PRIM2: variants seen among roughly 807,000 people sequenced by gnomAD.
PRIM2 encodes the protein DNA primase large subunit.
A neutral mutation model predicts 67.3 loss-of-function variants in PRIM2; 39 were observed. The observed-to-expected ratio is 0.58, with a 90% CI of 0.45 to 0.76. The LOEUF (loss-of-function observed/expected upper bound fraction) is 0.76. Ranked by LOEUF, PRIM2 falls within the 30% of genes least tolerant of loss-of-function variation. The probability of loss-of-function intolerance (pLI) is 0.00; values close to 1 mark genes in which losing one functional copy is unlikely to be tolerated. For missense variants in PRIM2, 398 were observed against 598.7 expected (o/e 0.66, Z 3.50); for synonymous variants, 143 against 198.7 (o/e 0.72, Z 2.36).
At chr6:57,487,899 C>A (rs1773790730) in intron 7 of PRIM2, among the ~76,000 whole-genome samples, 2 of 152,110 alleles carry the variant, frequency 1.3e-5, no homozygotes, top group African/African-American at 4.8e-5. Flanking sequence ...TTATATAATG[C>A]ATATTTGTTG....
At chr6:57,392,495 A>C (rs1247882101) in intron 7 of PRIM2, among the ~76,000 whole-genome samples, 1 of 152,126 alleles carries the variant, frequency 6.6e-6, no homozygotes, top group Non-Finnish European at 1.5e-5. Flanking sequence ...AAATTTATCA[A>C]ATATCAAAAT....
intron 13 of PRIM2, among the ~76,000 whole-genome samples, chr6:57,638,155 T>G (rs1291335466): frequency 6.6e-6 from 1 of 152,154 alleles, no homozygotes; most frequent in Non-Finnish European, 1.5e-5. Context: ...AAACTAACCT[T>G]CATAAGCGAA....
chr6:57,593,225 C>A (rs1271728188), intron 10 of PRIM2, among the ~76,000 whole-genome samples: 1 of 152,064 alleles, frequency 6.6e-6, no homozygotes, highest in African/African-American at 2.4e-5. Context: ...GACTTTCTGG[C>A]CTTTCCCCAC....
chr6:57,564,055 TC>T (rs1775690832), intron 10 of PRIM2, among the ~76,000 whole-genome samples: 1 of 152,216 alleles, frequency 6.6e-6, no homozygotes, highest in Non-Finnish European at 1.5e-5. Flanking sequence ...AATGAGAATG[TC>T]TTTGGGACAT....
At chr6:57,230,257 G>T in the PRIM2 span, among the ~76,000 whole-genome samples, 1 of 152,054 alleles carries the variant, frequency 6.6e-6, no homozygotes, top group South Asian at 2.1e-4. Flanking sequence ...TCACTGAATT[G>T]GTGCGTATTC....
intron 7 of PRIM2, among the ~76,000 whole-genome samples, chr6:57,503,468 G>A (rs1288456773): frequency 1.3e-5 from 2 of 152,186 alleles, no homozygotes; most frequent in Non-Finnish European, 2.9e-5. Context: ...AGGAACTATG[G>A]CTGGGTGCAG....
chr6:57,457,008 T>A (rs1183126637), intron 7 of PRIM2, among the ~76,000 whole-genome samples: 2 of 152,192 alleles, frequency 1.3e-5, no homozygotes, highest in African/African-American at 4.8e-5. Flanking sequence ...CTTCTAACAG[T>A]CAGGACCCTC....
the PRIM2 span, among the ~76,000 whole-genome samples, chr6:57,252,351 C>T: frequency 6.6e-6 from 1 of 152,200 alleles, no homozygotes; most frequent in Admixed American, 6.5e-5. Flanking sequence ...CCACAACAAG[C>T]CTATGAGATA....
rs1383543245 is a variant in PRIM2 at position 57,567,607 on chromosome 6, A to G, written c.1020+29982A>G. On this transcript the variant is annotated intron_variant, in intron 10 of 13. Transcript: ENST00000615550. ...CCCAAGTGCAGTAGGAAAAGCTATC[A>G]TAAGTATTGCCTTATATTCACTAGG... Among the ~76,000 whole-genome samples the G allele has an allele frequency of 8.2e-4, 125 of 152,316 alleles. 2 individuals are homozygous for G. In the East Asian group the frequency reaches 0.019, roughly 23 times the overall value.
At chr6:57,634,559 C>T (rs1777089603) in intron 13 of PRIM2, among the ~76,000 whole-genome samples, 3 of 152,376 alleles carry the variant, frequency 2.0e-5, no homozygotes, top group African/African-American at 7.2e-5. Context: ...TTTTAATTTC[C>T]TATTGTTCTT....
chr6:57,449,942 C>A (rs1301804345), intron 7 of PRIM2, among the ~76,000 whole-genome samples: 49 of 152,176 alleles, frequency 3.2e-4, no homozygotes, highest in African/African-American at 1.0e-3. Flanking sequence ...CACTCTCAAC[C>A]TAGACTGACT....
intron 8 of PRIM2, among the ~76,000 whole-genome samples, chr6:57,512,729 C>G (rs1774396484): frequency 6.6e-6 from 1 of 152,110 alleles, no homozygotes; most frequent in Non-Finnish European, 1.5e-5. Flanking sequence ...TCCTAAGTAG[C>G]TGGGACTACA....
intron 8 of PRIM2, among the ~76,000 whole-genome samples, chr6:57,512,152 A>G (rs1774385826): frequency 6.6e-6 from 1 of 152,168 alleles, no homozygotes. Context: ...TGGTATGGAT[A>G]CAAGTCCAAG....
chr6:57,376,059 A>G (rs1293779182), intron 5 of PRIM2, among the ~76,000 whole-genome samples: 1 of 152,152 alleles, frequency 6.6e-6, no homozygotes, highest in Non-Finnish European at 1.5e-5. Context: ...AAAATATAAT[A>G]TTAAAACAAT....
intron 7 of PRIM2, among the ~76,000 whole-genome samples, chr6:57,390,819 C>A (rs1770317324): frequency 6.6e-6 from 1 of 152,118 alleles, no homozygotes; most frequent in Non-Finnish European, 1.5e-5. Context: ...CATGTCTTTG[C>A]TATTGTAAAT....
Position 57,461,773 on chromosome 6 carries a change from A to G in PRIM2, c.694-45614A>G, listed in dbSNP as rs1172325841. On this transcript the variant is annotated intron_variant, in intron 7 of 13. Coordinates refer to ENST00000615550, the MANE Select transcript of PRIM2 (RefSeq NM_000947.5). ...GAATTAGCTAGTTTTGGAAGAGCATATAAATAATAGTGATCAAAGAATATA... is the reference window on the plus strand; with the variant it reads ...GAATTAGCTAGTTTTGGAAGAGCATGTAAATAATAGTGATCAAAGAATATA... 5.3e-5 allele frequency among the ~76,000 whole-genome samples: 8 copies of G among 152,348 alleles called. No individual in the cohort carries two copies. The East Asian group carries it at 1.5e-3, about 29-fold the overall frequency.
chr6:57,227,574 A>C, the PRIM2 span, among the ~76,000 whole-genome samples: 1 of 144,432 alleles, frequency 6.9e-6, no homozygotes, highest in South Asian at 2.3e-4. Flanking sequence ...AACCCGGGAG[A>C]TGGAGGTTGC....
intron 5 of PRIM2, among the ~76,000 whole-genome samples, chr6:57,372,288 G>A: frequency 6.6e-6 from 1 of 152,122 alleles, no homozygotes; most frequent in Non-Finnish European, 1.5e-5. Flanking sequence ...TTATTTGTTT[G>A]GAGACCACAT....
intron 7 of PRIM2, among the ~76,000 whole-genome samples, chr6:57,427,716 T>C (rs1293715036): frequency 6.6e-6 from 1 of 152,194 alleles, no homozygotes; most frequent in Non-Finnish European, 1.5e-5. Context: ...TGTTTATTTA[T>C]AAATGAGATT....
Sources: allele counts gnomAD v4.1 joint callset (sites outside exome capture counted in the v4.1 genomes callset), GRCh38; gene constraint gnomAD v4.1.1; transcripts MANE v1.5; gene names NCBI Gene and HGNC (gene_info 2026-07-23, HGNC 2026-07-21).